PRKG1: variants seen among roughly 807,000 people sequenced by gnomAD.
The protein encoded by PRKG1 is cGMP-dependent protein kinase 1.
PRKG1 carries 35 observed loss-of-function variants against 88.1 expected under a neutral mutation model. The observed-to-expected ratio is 0.40, with a 90% CI of 0.30 to 0.53. The LOEUF (loss-of-function observed/expected upper bound fraction) is 0.53, where lower values mean the gene tolerates loss of function less well. Ranked by LOEUF, PRKG1 falls within the 20% of genes least tolerant of loss-of-function variation. PRKG1 has a pLI of 0.59. For synonymous variants in PRKG1, 303 were observed against 292.5 expected, an observed-to-expected ratio of 1.04 and a Z score of -0.37; for missense variants, 540 against 839.8, an observed-to-expected ratio of 0.64 and a Z score of 4.41.
chr10:51,024,373 G>C (rs1843174077), intron 1 of PRKG1, among the ~76,000 whole-genome samples: 1 of 152,138 alleles, frequency 6.6e-6, no homozygotes, highest in African/African-American at 2.4e-5. Context: ...GTATCACAGG[G>C]AGGATCTGTA....
At chr10:51,115,423 AG>A (rs1845097646) in intron 1 of PRKG1, among the ~76,000 whole-genome samples, 1 of 137,822 alleles carries the variant, frequency 7.3e-6, no homozygotes, top group Non-Finnish European at 1.6e-5. Context: ...AGAGAGAGAG[AG>A]AGAGAGAGAG....
chr10:52,269,223 C>A (rs1383978702), intron 10 of PRKG1, among the ~76,000 whole-genome samples: 1 of 152,020 alleles, frequency 6.6e-6, no homozygotes, highest in African/African-American at 2.4e-5. Context: ...AATTGTAGTA[C>A]TCTAACATAG....
chr10:51,497,440 G>A (rs1193513573), intron 3 of PRKG1, among the ~76,000 whole-genome samples: 1 of 152,094 alleles, frequency 6.6e-6, no homozygotes, highest in African/African-American at 2.4e-5. Context: ...TTGTAGTCTA[G>A]TGGGAGAAAA....
At chr10:51,406,392 T>C (rs952979610) in intron 2 of PRKG1, among the ~76,000 whole-genome samples, 7 of 152,308 alleles carry the variant, frequency 4.6e-5, no homozygotes, top group African/African-American at 1.4e-4. Context: ...ATCATTTTAC[T>C]AGCAGATGAA....
chr10:52,164,711 A>G (rs575941182), intron 9 of PRKG1, among the ~76,000 whole-genome samples: 1 of 152,206 alleles, frequency 6.6e-6, no homozygotes, highest in Admixed American at 6.5e-5. Context: ...CATTGATTTG[A>G]TAGATTATAA....
At chr10:52,004,465 C>A (rs917700292) in intron 5 of PRKG1, among the ~76,000 whole-genome samples, 5 of 152,196 alleles carry the variant, frequency 3.3e-5, no homozygotes, top group African/African-American at 7.2e-5. Flanking sequence ...TCTTCAGCAT[C>A]TCCTGGGACT....
chr10:51,797,398 T>C (rs1219006534), intron 3 of PRKG1, among the ~76,000 whole-genome samples: 2 of 146,204 alleles, frequency 1.4e-5, no homozygotes, highest in Non-Finnish European at 3.0e-5. Context: ...ATATCTTTAT[T>C]ATATTATTTA....
intron 3 of PRKG1, among the ~76,000 whole-genome samples, chr10:51,737,476 T>C (rs1387299730): frequency 1.3e-5 from 2 of 152,194 alleles, no homozygotes; most frequent in Non-Finnish European, 1.5e-5. Context: ...AGACGTTAAA[T>C]GGCAGGGAGT....
Position 52,297,952 on chromosome 10 carries a change from C to T in PRKG1, c.*4052C>T, listed in dbSNP as rs1385162279. 4 of 152,128 alleles carry T rather than the reference C, an allele frequency of 2.6e-5. No individual in the cohort carries two copies. The highest frequency in any genetic ancestry group is 5.9e-5 in the Non-Finnish European group (4 of 68,028). The allele number at this position is 152,128 out of a possible 1,614,324, so 9.4% of individuals were successfully genotyped here. A position where few individuals can be genotyped will look rare whatever the true frequency, so the allele number is the denominator to read the frequency against. Reference sequence around the variant, plus strand: ...CATTGAAAGTGTGTTGTTAGCCCTCCTCTCTGCCCCTGAATCAACAGACAG... The same window carrying T: ...CATTGAAAGTGTGTTGTTAGCCCTCTTCTCTGCCCCTGAATCAACAGACAG... On this transcript the variant is annotated 3_prime_UTR_variant, in exon 18 of 18. Coordinates refer to ENST00000373980, the MANE Select transcript of PRKG1 (RefSeq NM_006258.4).
At chr10:51,672,369 G>C (rs114272244) in intron 3 of PRKG1, among the ~76,000 whole-genome samples, 6,136 of 151,620 alleles carry the variant, frequency 0.04, 181 homozygotes, top group Middle Eastern at 0.11. Flanking sequence ...CTTTCTTCCT[G>C]TCTAATCTGC....
At chr10:52,229,052 A>G (rs1006795128) in intron 9 of PRKG1, among the ~76,000 whole-genome samples, 1 of 152,182 alleles carries the variant, frequency 6.6e-6, no homozygotes, top group African/African-American at 2.4e-5. Flanking sequence ...ATATGCTTTG[A>G]TGGAGCCTAA....
intron 2 of PRKG1, among the ~76,000 whole-genome samples, chr10:51,194,173 A>G (rs1057474531): frequency 6.6e-6 from 1 of 151,968 alleles, no homozygotes; most frequent in South Asian, 2.1e-4. Context: ...TCTACAAAAT[A>G]TGGTGTATTT....
intron 9 of PRKG1, among the ~76,000 whole-genome samples, chr10:52,193,631 A>T (rs1322411391): frequency 1.3e-5 from 2 of 151,564 alleles, no homozygotes; most frequent in African/African-American, 2.4e-5. Context: ...ATTAACTAGG[A>T]TCTTTATTTC....
chr10:52,182,660 C>G (rs2132731710), intron 9 of PRKG1, among the ~76,000 whole-genome samples: 1 of 144,936 alleles, frequency 6.9e-6, no homozygotes, highest in South Asian at 2.3e-4. Context: ...TATGGCTAGC[C>G]AGTTTTCCCA....
intron 2 of PRKG1, among the ~76,000 whole-genome samples, chr10:51,431,048 G>T (rs921655211): frequency 6.6e-6 from 1 of 152,070 alleles, no homozygotes; most frequent in African/African-American, 2.4e-5. Context: ...AACATAAATT[G>T]TACAAATGGG....
chr10:51,300,644 G>A (rs1840858626), intron 2 of PRKG1, among the ~76,000 whole-genome samples: 1 of 152,218 alleles, frequency 6.6e-6, no homozygotes, highest in Non-Finnish European at 1.5e-5. Flanking sequence ...TTCTCCTTCA[G>A]AGGTAAGAAC....
chr10:52,201,061 C>T (rs890377191), intron 9 of PRKG1, among the ~76,000 whole-genome samples: 9 of 151,988 alleles, frequency 5.9e-5, no homozygotes, highest in African/African-American at 2.2e-4. Flanking sequence ...AGTTGAATTA[C>T]GTCCCATTTG....
chr10:51,099,875 G>A (rs767769444), intron 1 of PRKG1, among the ~76,000 whole-genome samples: 2 of 152,060 alleles, frequency 1.3e-5, no homozygotes, highest in African/African-American at 4.8e-5. Flanking sequence ...AGAAAACTTC[G>A]TGCCTTCAGT....
rs74389287 is a variant in PRKG1 at position 51,993,258 on chromosome 10, T to G, written c.763-61226T>G. Among the ~76,000 whole-genome samples, 9 of 152,274 alleles carry G rather than the reference T, an allele frequency of 5.9e-5. No homozygotes were observed. The East Asian group carries it at 1.5e-3, about 26-fold the overall frequency. On this transcript the variant is annotated intron_variant, in intron 5 of 17. Transcript: ENST00000373980. ...TCCCTCATTATTCCAAGGTTTTTAT[T>G]TCCTCTTAAGTGGCTCTGGCTCAGT... is the stretch of plus-strand genomic sequence containing the variant.
Sources: allele counts gnomAD v4.1 joint callset (sites outside exome capture counted in the v4.1 genomes callset), GRCh38; gene constraint gnomAD v4.1.1; transcripts MANE v1.5; gene names NCBI Gene and HGNC (gene_info 2026-07-23, HGNC 2026-07-21).